Variants in POLR2B observed in about 807,000 individuals in gnomAD.
POLR2B encodes the protein DNA-directed RNA polymerase II subunit RPB2.
Under a neutral mutation model 144.6 loss-of-function variants are expected in POLR2B, and 57 were observed. That is an observed-to-expected ratio of 0.39 (90% CI 0.32 to 0.49). The LOEUF is 0.49. Ranked by LOEUF, POLR2B falls within the 20% of genes least tolerant of loss-of-function variation. The pLI is 0.83. For synonymous variants in POLR2B, 442 were observed against 469.8 expected (o/e 0.94, Z 0.77); for missense variants, 595 against 1,467.4 (o/e 0.41, Z 9.71).
chr4:56,992,228 C>T (rs1402984075), intron 3 of POLR2B, among the ~76,000 whole-genome samples: 3 of 151,622 alleles, frequency 2.0e-5, no homozygotes, highest in East Asian at 3.9e-4. Flanking sequence ...TTTGGGAGGC[C>T]GAGGCGGGCA....
chr4:56,992,256 A>G (rs1044800191), intron 3 of POLR2B, among the ~76,000 whole-genome samples: 4 of 151,780 alleles, frequency 2.6e-5, no homozygotes, highest in African/African-American at 9.7e-5. Context: ...TGAGCTCAAG[A>G]GTTTGAGACC....
chr4:56,987,524 C>T (rs754584015), intron 2 of POLR2B, among the ~76,000 whole-genome samples: 1 of 152,288 alleles, frequency 6.6e-6, no homozygotes, highest in African/African-American at 2.4e-5. Context: ...TCTCTCTTTT[C>T]AAAGAACACA....
At chr4:56,981,016 T>C (rs1453533782) in intron 1 of POLR2B, among the ~76,000 whole-genome samples, 1 of 152,102 alleles carries the variant, frequency 6.6e-6, no homozygotes, top group Non-Finnish European at 1.5e-5. Flanking sequence ...TTGGCCAGGC[T>C]GATCTCAAAC....
intron 13 of POLR2B, 120 bp downstream of exon 13, chr4:57,011,220 G>A (rs1411411531): frequency 2.9e-6 from 2 of 696,816 alleles, no homozygotes; most frequent in Non-Finnish European, 5.0e-6. Flanking sequence ...GAACTGTAAA[G>A]TGTAAATTTA....
At chr4:57,014,105 A>G (rs1298825913) in intron 13 of POLR2B, among the ~76,000 whole-genome samples, 2 of 152,190 alleles carry the variant, frequency 1.3e-5, no homozygotes, top group African/African-American at 2.4e-5. Flanking sequence ...TCCTCCTTAA[A>G]TTACTTTCTA....
chr4:57,005,394 A>G lies in POLR2B; in HGVS notation c.1049A>G (p.His350Arg). ...KEVLQKEMLP[H>R]VGVSDFCETK... Reference sequence around the variant, plus strand: ...GTTTTACAAAAAGAAATGCTCCCTCATGTTGGTGTCAGTGATTTTTGTGAG... The same window carrying G: ...GTTTTACAAAAAGAAATGCTCCCTCGTGTTGGTGTCAGTGATTTTTGTGAG... The change falls in exon 8 of 25, where the codon CAT becomes CGT. Residue 350 changes from histidine to arginine, a missense_variant. His to Arg is a conservative substitution (Grantham distance 29, BLOSUM62 0). Transcript: ENST00000314595. 6.2e-7 allele frequency: 1 copy of G among 1,603,130 alleles called. No individual in the cohort carries two copies. The highest frequency in any genetic ancestry group is 8.5e-7 in the Non-Finnish European group (1 of 1,177,248).
chr4:56,996,342 A>G (rs1722687965), intron 6 of POLR2B, among the ~76,000 whole-genome samples: 1 of 136,702 alleles, frequency 7.3e-6, no homozygotes, highest in African/African-American at 2.8e-5. Flanking sequence ...GTGCAGTGGC[A>G]TGATCTCGGC....
At position 57,031,149 on chromosome 4, in the gene POLR2B, G is replaced by T. The variant is rs1431562879; in HGVS notation, c.*161G>T. ...TTCTGTAAATATATAATAAATTTTT[G>T]TAGATAGTCTTGATGTGTGATCTTT... On this transcript the variant is annotated 3_prime_UTR_variant, in exon 25 of 25. Coordinates refer to ENST00000314595, the MANE Select transcript of POLR2B (RefSeq NM_000938.3). The T allele has an allele frequency of 2.8e-6, 2 of 721,800 alleles. No individual in the cohort carries two copies. The highest frequency in any genetic ancestry group is 1.8e-5 in the African/African-American group (1 of 55,706). The allele number at this position is 721,800 out of a possible 1,614,324, so 44.7% of individuals were successfully genotyped here. A position where few individuals can be genotyped will look rare whatever the true frequency, so the allele number is the denominator to read the frequency against.
rs1434961676 is a variant in POLR2B at position 57,023,989 on chromosome 4, A to C, written c.2857-16A>C. On this transcript the variant is annotated splice_polypyrimidine_tract_variant and intron_variant, in intron 20 of 24. Transcript: ENST00000314595. The surrounding 1 kb of genome is among the most constrained non-coding windows in gnomAD (Gnocchi z 4.3). ...TATATGTATCTTTGAGTCCCTTTTA[A>C]AATTTTTCTTTGTAGGATATGCCTT... 2.1e-6 allele frequency: 3 copies of C among 1,460,538 alleles called. No homozygotes were observed. The South Asian group carries it at 3.7e-5, about 18-fold the overall frequency. The allele number at this position is 1,460,538 out of a possible 1,614,324, so 90.5% of individuals were successfully genotyped here.
chr4:57,027,184 T>C (rs1165849093), intron 23 of POLR2B, among the ~76,000 whole-genome samples: 1 of 151,522 alleles, frequency 6.6e-6, no homozygotes, highest in Non-Finnish European at 1.5e-5. Flanking sequence ...AATTTTTGTA[T>C]TTTTTGTAGA....
At chr4:56,989,504 T>TG (rs1470590732) in intron 2 of POLR2B, among the ~76,000 whole-genome samples, 1 of 152,212 alleles carries the variant, frequency 6.6e-6, no homozygotes, top group Non-Finnish European at 1.5e-5. Context: ...TGGATCAGGG[T>TG]GGGGCCAATT....
chr4:57,029,436 C>T (rs909267271), intron 23 of POLR2B, among the ~76,000 whole-genome samples: 4 of 152,074 alleles, frequency 2.6e-5, no homozygotes, highest in Non-Finnish European at 5.9e-5. Context: ...TCTAATGATC[C>T]AGATCAGTGG....
chr4:57,013,677 ACAAGGTGTGTGCCACCACACC>A (rs1041525431), intron 13 of POLR2B, among the ~76,000 whole-genome samples: 2 of 151,984 alleles, frequency 1.3e-5, no homozygotes, highest in Admixed American at 1.3e-4. Context: ...GGCTGAGACC[ACAAGGTGTGTGCCACCACACC>A]CAGGTTTTGT....
rs770507784 is a variant in POLR2B, at chr4:57,005,706, T to C, written c.1204T>C (p.Phe402Leu). Residue 402 changes from phenylalanine to leucine, a missense_variant, in exon 9 of 25, where the codon TTC becomes CTC. Transcript: ENST00000314595. ...RLDLAGPLLA[F>L]LFRGMFKNLL... ...GGATCTTGCTGGGCCGCTGCTTGCA[T>C]TCTTATTTAGAGGGTAAGGAATTAC... The C allele has an allele frequency of 6.2e-7, 1 of 1,612,604 alleles. No individual in the cohort carries two copies. Among genetic ancestry groups the C allele is most frequent in the Non-Finnish European group, 8.5e-7 (1 of 1,179,392 alleles).
At position 57,005,818 on chromosome 4, in the gene POLR2B, T is replaced by C. The variant is rs1288314660; in HGVS notation, c.1217+99T>C. The C allele has an allele frequency of 2.8e-6, 3 of 1,087,386 alleles. No individual in the cohort carries two copies. In the African/African-American group the frequency reaches 4.8e-5, roughly 17 times the overall value. The allele number at this position is 1,087,386 out of a possible 1,614,324, so 67.4% of individuals were successfully genotyped here. A position where few individuals can be genotyped will look rare whatever the true frequency, so the allele number is the denominator to read the frequency against. The stretch of plus-strand genomic sequence containing the variant: ...AGGCTAAACTGTGTTGGCATCCACG[T>C]TGGGTACTTATGAAATTAGCTACAT... On this transcript the variant is annotated intron_variant, in intron 9 of 24. Coordinates refer to ENST00000314595, the MANE Select transcript of POLR2B (RefSeq NM_000938.3).
rs933659110 is a variant in POLR2B at position 57,006,861 on chromosome 4, A to G, written c.1263A>G (p.Lys421=). 9.9e-6 allele frequency: 16 copies of G among 1,613,700 alleles called. No individual in the cohort carries two copies. Among genetic ancestry groups the G allele is most frequent in the African/African-American group, 2.7e-5 (2 of 74,926 alleles). ...AAGAAGTGCGGATCTATGCACAGAA[A>G]TTTATTGATCGAGGAAAGGATTTTA... ...LLKEVRIYAQ[K]FIDRGKDFNL... Residue 421 remains lysine, a synonymous_variant, in exon 10 of 25, where the codon AAA becomes AAG. Coordinates refer to ENST00000314595, the MANE Select transcript of POLR2B (RefSeq NM_000938.3).
rs1314754274 is a variant in POLR2B, at chr4:57,000,781, C to T, written c.900+1000C>T. ...CACGATCTCGGCTCACCACAACCTC[C>T]GTCTCCCAGGTTCAAGTGATTCTCC... is the stretch of plus-strand genomic sequence containing the variant. On this transcript the variant is annotated intron_variant, in intron 7 of 24. Transcript: ENST00000314595. Among the ~76,000 whole-genome samples the T allele has an allele frequency of 2.6e-5, 4 of 151,598 alleles. No individual in the cohort carries two copies. In the South Asian group the frequency reaches 6.3e-4, roughly 24 times the overall value.
intron 17 of POLR2B, among the ~76,000 whole-genome samples, chr4:57,021,595 T>G (rs1723552789): frequency 6.6e-6 from 1 of 150,976 alleles, no homozygotes; most frequent in South Asian, 2.1e-4. Flanking sequence ...TTCAAGAGAT[T>G]CTCCTACCTC....
intron 16 of POLR2B, among the ~76,000 whole-genome samples, chr4:57,018,982 C>T (rs1723454795): frequency 6.6e-6 from 1 of 152,120 alleles, no homozygotes; most frequent in African/African-American, 2.4e-5. Context: ...AGACTTTTGG[C>T]TTTGAATGTG....
Sources: allele counts gnomAD v4.1 joint callset (sites outside exome capture counted in the v4.1 genomes callset), GRCh38; gene constraint gnomAD v4.1.1; non-coding constraint Gnocchi (gnomAD v3.1); transcripts MANE v1.5; gene names NCBI Gene and HGNC (gene_info 2026-07-23, HGNC 2026-07-21).